BUB1B: variants seen among roughly 807,000 people sequenced by gnomAD.
The protein encoded by BUB1B is BUB1 mitotic checkpoint serine/threonine kinase B, also known as mitotic checkpoint serine/threonine-protein kinase BUB1 beta.
Under a neutral mutation model 137.7 loss-of-function variants are expected in BUB1B, and 86 were observed. The ratio of observed to expected loss-of-function variants is 0.62; its 90% confidence interval spans 0.52 to 0.75. The LOEUF (loss-of-function observed/expected upper bound fraction) is 0.75. Ranked by LOEUF, BUB1B falls within the 30% of genes least tolerant of loss-of-function variation. BUB1B has a pLI of 0.00. For synonymous variants in BUB1B, 420 were observed against 417.9 expected (o/e 1.00, Z -0.06); for missense variants, 1,130 against 1,236.9 (o/e 0.91, Z 1.30).
rs2037036777 is a variant in BUB1B, at chr15:40,161,079, G to A, written c.-142G>A. 8.9e-7 allele frequency: 1 copy of A among 1,126,586 alleles called. No homozygotes were observed. The highest frequency in any genetic ancestry group is 2.7e-5 in the East Asian group (1 of 37,218). 69.8% of individuals were successfully genotyped at this position (1,126,586 alleles called of 1,614,324 possible). A position where few individuals can be genotyped will look rare whatever the true frequency, so the allele number is the denominator to read the frequency against. ...TTGGCGGCTAGGGGTGTGGGCTTGA[G>A]GTGGCCGGTTTGTTAGGGAGTCGTG... On this transcript the variant is annotated 5_prime_UTR_variant, in exon 1 of 23. Coordinates refer to ENST00000287598, the MANE Select transcript of BUB1B (RefSeq NM_001211.6).
intron 8 of BUB1B, among the ~76,000 whole-genome samples, chr15:40,194,619 G>A (rs953091032): frequency 1.3e-5 from 2 of 152,142 alleles, no homozygotes; most frequent in Non-Finnish European, 2.9e-5. Context: ...AAAATAAAAG[G>A]TATATAAGTT....
At chr15:40,200,173 T>C (rs1213984640) in intron 10 of BUB1B, 71 bp from the exon 11 acceptor site, 1 of 1,022,434 alleles carries the variant, frequency 9.8e-7, no homozygotes, top group Non-Finnish European at 1.5e-6. Flanking sequence ...ACAGTAAAGC[T>C]AATGTTAGAA....
chr15:40,199,660 A>C lies in BUB1B; in HGVS notation c.1334A>C (p.Gln445Pro). 1 of 1,614,076 alleles carries C rather than the reference A, an allele frequency of 6.2e-7. No individual in the cohort carries two copies. The highest frequency in any genetic ancestry group is 8.5e-7 in the Non-Finnish European group (1 of 1,179,934). Residue 445 changes from glutamine to proline, a missense_variant, in exon 10 of 23, where the codon CAG (glutamine) becomes CCG (proline). By Grantham distance (76) the Gln-to-Pro change is moderately conservative. Coordinates refer to ENST00000287598, the MANE Select transcript of BUB1B (RefSeq NM_001211.6). ...SAEKRAEMQKQIEEMEKKLKE... is the reference protein window; with the variant it reads ...SAEKRAEMQKPIEEMEKKLKE... ...GAGAAGAGAGCAGAAATGCAGAAACAGATTGAAGAGATGGAGAAGAAGCTA... is the reference window on the plus strand; with the variant it reads ...GAGAAGAGAGCAGAAATGCAGAAACCGATTGAAGAGATGGAGAAGAAGCTA...
chr15:40,217,457 C>T (rs939055098), intron 20 of BUB1B, 39 bp from the exon 21 acceptor site: 2 of 1,603,328 alleles, frequency 1.2e-6, no homozygotes, highest in South Asian at 2.2e-5. Flanking sequence ...TCTTTCATGG[C>T]CTATTTTTAT....
rs1177756970 is a variant in BUB1B, at chr15:40,202,475, T to G, written c.1628+10T>G. 1 of 1,608,464 alleles carries G rather than the reference T, an allele frequency of 6.2e-7. No homozygotes were observed. Among genetic ancestry groups the G allele is most frequent in the African/African-American group, 1.3e-5 (1 of 74,574 alleles). On this transcript the variant is annotated intron_variant, in intron 13 of 22. Transcript: ENST00000287598. ...AAAAGAAGAATAAAAGGTACGTTGT[T>G]TTTTTGTTTTTTTGGTTTTTTTTTA...
intron 17 of BUB1B, among the ~76,000 whole-genome samples, 162 bp downstream of exon 17, chr15:40,209,937 T>C (rs1470628776): frequency 6.6e-6 from 1 of 152,208 alleles, no homozygotes; most frequent in Non-Finnish European, 1.5e-5. Flanking sequence ...GTCCTAATAA[T>C]AGGAATTATG....
rs764057313 is a variant in BUB1B at position 40,220,607 on chromosome 15, C to T, written c.3001C>T (p.Leu1001=). 1 of 1,614,176 alleles carries T rather than the reference C, an allele frequency of 6.2e-7. No homozygotes were observed. The highest frequency in any genetic ancestry group is 1.1e-5 in the South Asian group (1 of 91,080). The change falls in exon 23 of 23, where the codon CTG becomes TTG. Residue 1001 remains leucine, a synonymous_variant. Transcript: ENST00000287598. ...GTGGAATAAATTCTTTGTGCGGATT[C>T]TGAATGCCAATGATGAGGCCACAGT... ...ELWNKFFVRI[L]NANDEATVSV...
At chr15:40,209,544 A>AT (rs142625505) in intron 16 of BUB1B, 91 bp from the exon 17 acceptor site, 4,583 of 1,404,466 alleles carry the variant, frequency 3.3e-3, no homozygotes, top group East Asian at 5.1e-3. Context: ...TGTAATCTTG[A>AT]TTTTTTTTTT....
chr15:40,190,015 A>G (rs2037416254), intron 8 of BUB1B, among the ~76,000 whole-genome samples: 1 of 152,186 alleles, frequency 6.6e-6, no homozygotes, highest in Admixed American at 6.5e-5. Context: ...CTTTGGAGAA[A>G]TGACTGTTTA....
rs1226037382 is a variant in BUB1B at position 40,202,414 on chromosome 15, T to C, written c.1577T>C (p.Val526Ala). 1.2e-6 allele frequency: 2 copies of C among 1,611,034 alleles called. No individual in the cohort carries two copies. ...QEQPHSKGPSVPFSIFDEFLL... is the reference protein window; with the variant it reads ...QEQPHSKGPSAPFSIFDEFLL... ...GTCTCTCTTTCTCTAGGTCCCAGTG[T>C]ACCTTTCTCCATTTTTGATGAGTTT... The change falls in exon 13 of 23, where the codon GTA (valine) becomes GCA (alanine). Residue 526 changes from valine to alanine, a missense_variant. Val to Ala is a moderately conservative substitution (Grantham distance 64, BLOSUM62 0). Transcript: ENST00000287598.
intron 16 of BUB1B, 103 bp downstream of exon 16, chr15:40,208,873 C>CTCAAA: frequency 8.1e-7 from 1 of 1,231,280 alleles, no homozygotes; most frequent in Non-Finnish European, 1.2e-6. Flanking sequence ...CTCACTCTGT[C>CTCAAA]ACCCAGGATG....
chr15:40,163,332 G>T (rs918062912), intron 1 of BUB1B, among the ~76,000 whole-genome samples: 2 of 152,146 alleles, frequency 1.3e-5, no homozygotes, highest in African/African-American at 2.4e-5. Context: ...CCAGCACTTC[G>T]GGAGGCTGAG....
At chr15:40,191,918 T>C (rs2037443246) in intron 8 of BUB1B, among the ~76,000 whole-genome samples, 2 of 152,202 alleles carry the variant, frequency 1.3e-5, no homozygotes, top group South Asian at 4.1e-4. Flanking sequence ...CTTTTGAAAT[T>C]GAGAAGGATG....
chr15:40,198,316 A>AAAC (rs1205245130), intron 9 of BUB1B, among the ~76,000 whole-genome samples: 1 of 151,084 alleles, frequency 6.6e-6, no homozygotes, highest in Non-Finnish European at 1.5e-5. Context: ...GGCTCAAGCT[A>AAAC]TCCTTCCCAC....
rs762658973 is a variant in BUB1B at position 40,170,554 on chromosome 15, A to C, written c.257A>C (p.Glu86Ala). 1 of 1,613,672 alleles carries C rather than the reference A, an allele frequency of 6.2e-7. No homozygotes were observed. The highest frequency in any genetic ancestry group is 2.2e-5 in the East Asian group (1 of 44,832). ...DVWDRYISWT[E>A]QNYPQGGKES... The stretch of plus-strand genomic sequence containing the variant: ...CCATTTAGGTATATCAGCTGGACAG[A>C]GCAGAACTATCCTCAAGGTGGGAAG... Residue 86 changes from glutamate (E) to alanine (A), a missense_variant, in exon 4 of 23, where the codon GAG (glutamate) becomes GCG (alanine). Transcript: ENST00000287598.
intron 4 of BUB1B, among the ~76,000 whole-genome samples, chr15:40,173,633 T>C (rs1245496580): frequency 6.6e-6 from 1 of 152,242 alleles, no homozygotes; most frequent in Admixed American, 6.5e-5. Context: ...TCTGTTTTTA[T>C]TGTACTTTAT....
chr15:40,217,341 CTCTG>C (rs770314615), intron 20 of BUB1B, 151 bp from the exon 21 acceptor site: 2 of 740,568 alleles, frequency 2.7e-6, no homozygotes, highest in Non-Finnish European at 4.6e-6. Context: ...ACTGCCACTG[CTCTG>C]TCTTACAGGT....
At chr15:40,189,903 CAG>C (rs1458681274) in intron 8 of BUB1B, among the ~76,000 whole-genome samples, 1 of 152,196 alleles carries the variant, frequency 6.6e-6, no homozygotes, top group African/African-American at 2.4e-5. Context: ...GTCATTCTAA[CAG>C]AGATGTGAAG....
chr15:40,186,792 C>G (rs1376035835), intron 8 of BUB1B: 1 of 151,986 alleles, frequency 6.6e-6, no homozygotes. Context: ...AGAGTTACCT[C>G]ATAACTAATT....
Sources: allele counts gnomAD v4.1 joint callset (sites outside exome capture counted in the v4.1 genomes callset), GRCh38; gene constraint gnomAD v4.1.1; transcripts MANE v1.5; gene names NCBI Gene and HGNC (gene_info 2026-07-23, HGNC 2026-07-21).